The following EPHA5 variants were observed in gnomAD, a reference collection of about 807,000 sequenced individuals.
EPHA5 encodes EPH receptor A5, also known as ephrin type-A receptor 5.
A neutral mutation model predicts 105.0 loss-of-function variants in EPHA5; 60 were observed. That is an observed-to-expected ratio of 0.57 (90% CI 0.46 to 0.71). The LOEUF (loss-of-function observed/expected upper bound fraction) is 0.71. Ranked by LOEUF, EPHA5 falls within the 30% of genes least tolerant of loss-of-function variation. EPHA5 has a pLI of 0.00. For synonymous variants in EPHA5, 513 were observed against 449.1 expected (o/e 1.14, Z -1.80); for missense variants, 1,218 against 1,274.7 (o/e 0.96, Z 0.68).
At chr4:65,425,165 G>A (rs1428894722) in intron 5 of EPHA5, among the ~76,000 whole-genome samples, 1 of 151,802 alleles carries the variant, frequency 6.6e-6, no homozygotes, top group Non-Finnish European at 1.5e-5. Context: ...GTCCATGAAT[G>A]TGTTAAAAAC....
chr4:65,643,140 C>G (rs1462187327), intron 2 of EPHA5, among the ~76,000 whole-genome samples: 1 of 151,992 alleles, frequency 6.6e-6, no homozygotes, highest in African/African-American at 2.4e-5. Context: ...GAACAATACT[C>G]AGAGAGGAAA....
intron 3 of EPHA5, among the ~76,000 whole-genome samples, chr4:65,518,229 A>C (rs903399026): frequency 2.0e-5 from 3 of 151,946 alleles, no homozygotes; most frequent in African/African-American, 7.2e-5. Flanking sequence ...ATTTGTTTAA[A>C]TTAAAATTTT....
intron 2 of EPHA5, among the ~76,000 whole-genome samples, chr4:65,620,918 C>G: frequency 6.6e-6 from 1 of 152,118 alleles, no homozygotes; most frequent in Non-Finnish European, 1.5e-5. Context: ...GCCTTTCCTT[C>G]TCAGAGATAG....
intron 5 of EPHA5, among the ~76,000 whole-genome samples, chr4:65,461,947 T>G (rs1278152655): frequency 6.6e-6 from 1 of 152,020 alleles, no homozygotes; most frequent in East Asian, 1.9e-4. Context: ...TATTGAATCA[T>G]TATGCAGTTA....
chr4:65,492,764 C>T (rs11939622), intron 4 of EPHA5, among the ~76,000 whole-genome samples: 7,264 of 152,042 alleles, frequency 0.048, 571 homozygotes, highest in African/African-American at 0.17. Flanking sequence ...GTGCATGTGT[C>T]TTTATAGTAG....
rs202151877 is a variant in EPHA5 at position 65,407,937 on chromosome 4, T to TG, written c.1688-3459_1688-3458insC. On this transcript the variant is annotated intron_variant, in intron 7 of 16. Transcript: ENST00000613740. ...CCTATGGCTAATTTTTGCATTTTTTTTTGTTTTTATTGTGAAGGGGTTTCA... is the reference window on the plus strand; with the variant it reads ...CCTATGGCTAATTTTTGCATTTTTTTGTTGTTTTTATTGTGAAGGGGTTTCA... 6.4e-3 allele frequency among the ~76,000 whole-genome samples: 968 copies of TG among 151,792 alleles called. 6 individuals carry two copies. The highest frequency in any genetic ancestry group is 0.03 in the Admixed American group (449 of 15,210).
At chr4:65,353,503 T>TACACACAC (rs66462845) in intron 11 of EPHA5, among the ~76,000 whole-genome samples, 8 of 146,360 alleles carry the variant, frequency 5.5e-5, no homozygotes, top group African/African-American at 2.0e-4. Flanking sequence ...ATTTAAGATT[T>TACACACAC]ACACACACAC....
chr4:65,629,417 T>C (rs1013043313), intron 2 of EPHA5, among the ~76,000 whole-genome samples: 8 of 152,196 alleles, frequency 5.3e-5, no homozygotes, highest in African/African-American at 1.7e-4. Flanking sequence ...ATTTCTGTTA[T>C]GGAAAAGAAT....
chr4:65,492,384 T>C (rs918563577), intron 4 of EPHA5, among the ~76,000 whole-genome samples: 5 of 151,776 alleles, frequency 3.3e-5, no homozygotes, highest in African/African-American at 1.2e-4. Context: ...GTATTTTTAG[T>C]AGAGATAAGA....
chr4:65,380,613 G>T (rs1719460026), intron 8 of EPHA5, among the ~76,000 whole-genome samples: 1 of 151,684 alleles, frequency 6.6e-6, no homozygotes, highest in South Asian at 2.1e-4. Context: ...TGAGAAAAAA[G>T]CAAGAAGAGT....
chr4:65,458,264 C>A (rs751069621), intron 5 of EPHA5, among the ~76,000 whole-genome samples: 5 of 151,978 alleles, frequency 3.3e-5, no homozygotes, highest in Non-Finnish European at 1.5e-5. Context: ...CTCTTCAATG[C>A]ATAGAGAATT....
chr4:65,565,664 G>T (rs1560704771), intron 3 of EPHA5, among the ~76,000 whole-genome samples: 1 of 149,182 alleles, frequency 6.7e-6, no homozygotes, highest in Non-Finnish European at 1.5e-5. Flanking sequence ...CAAGGCAAAA[G>T]AAAGAATAGC....
chr4:65,352,359 G>C (rs553174290), intron 12 of EPHA5, among the ~76,000 whole-genome samples: 9 of 152,058 alleles, frequency 5.9e-5, no homozygotes, highest in African/African-American at 2.2e-4. Flanking sequence ...ATGGTAATGA[G>C]CACTATATTA....
chr4:65,600,462 TA>T (rs982396814), intron 3 of EPHA5, among the ~76,000 whole-genome samples: 4 of 152,132 alleles, frequency 2.6e-5, no homozygotes, highest in African/African-American at 4.8e-5. Context: ...GAATTTCAAG[TA>T]AAGTGCAATG....
rs1399302495 is a variant in EPHA5, at chr4:65,322,759, A to G, written c.*1355T>C. On this transcript the variant is annotated 3_prime_UTR_variant, in exon 17 of 17. Transcript: ENST00000613740. ...AACTGAAATTAACAAATGAATAAACATCCATTAAAAATAAAACTTATCAAT... is the reference window on the plus strand; with the variant it reads ...AACTGAAATTAACAAATGAATAAACGTCCATTAAAAATAAAACTTATCAAT... 4 of 227,158 alleles carry G rather than the reference A, an allele frequency of 1.8e-5. No homozygotes were observed. The highest frequency in any genetic ancestry group is 3.5e-5 in the Non-Finnish European group (4 of 114,228). 14.1% of individuals were successfully genotyped at this position (227,158 alleles called of 1,614,324 possible). A position where few individuals can be genotyped will look rare whatever the true frequency, so the allele number is the denominator to read the frequency against.
rs1180249731 is a variant in EPHA5, at chr4:65,438,631, C to G, written c.1403-18066G>C. 2.0e-5 allele frequency among the ~76,000 whole-genome samples: 3 copies of G among 151,794 alleles called. No individual in the cohort carries two copies. In the East Asian group the frequency reaches 5.8e-4, roughly 29 times the overall value. On this transcript the variant is annotated intron_variant, in intron 5 of 16. Coordinates refer to ENST00000613740, the MANE Select transcript of EPHA5 (RefSeq NM_001281766.3). ...TGTGAGCTGAAGCTTAAAATGGAAA[C>G]TCTTCCATTGGACAAAGAACATTTT...
intron 1 of EPHA5, among the ~76,000 whole-genome samples, chr4:65,652,450 AT>A (rs1272779414): frequency 1.3e-5 from 2 of 152,150 alleles, no homozygotes; most frequent in Non-Finnish European, 2.9e-5. Context: ...TTAGTATATT[AT>A]TTTGCCCATT....
chr4:65,481,789 T>A (rs1225376918), intron 5 of EPHA5, among the ~76,000 whole-genome samples: 2 of 152,212 alleles, frequency 1.3e-5, no homozygotes, highest in African/African-American at 2.4e-5. Flanking sequence ...TAATTCAAGC[T>A]GGTATAAATA....
chr4:65,485,290 C>G (rs1730774868), intron 5 of EPHA5, among the ~76,000 whole-genome samples: 1 of 151,884 alleles, frequency 6.6e-6, no homozygotes, highest in Admixed American at 6.6e-5. Context: ...TCATCATAGC[C>G]ACTATTTCTT....
Sources: allele counts gnomAD v4.1 joint callset (sites outside exome capture counted in the v4.1 genomes callset), GRCh38; gene constraint gnomAD v4.1.1; transcripts MANE v1.5; gene names NCBI Gene and HGNC (gene_info 2026-07-23, HGNC 2026-07-21).